The following CSMD1 variants were observed in gnomAD, a reference collection of about 807,000 sequenced individuals.
CSMD1 encodes the protein CUB and Sushi multiple domains 1.
Under a neutral mutation model 417.5 loss-of-function variants are expected in CSMD1, and 213 were observed. The ratio of observed to expected loss-of-function variants is 0.51; its 90% CI spans 0.46 to 0.57. CSMD1 has a LOEUF of 0.57. Among genes scored for constraint, CSMD1 ranks in the 20% least tolerant of loss-of-function variants. CSMD1 has a pLI of 0.00. For missense variants in CSMD1, 6,923 were observed against 4,529.7 expected, an observed-to-expected ratio of 1.53 and a Z score of -15.17; for synonymous variants, 2,862 against 1,736.8, an observed-to-expected ratio of 1.65 and a Z score of -16.11.
intron 23 of CSMD1, among the ~76,000 whole-genome samples, chr8:3,330,762 T>C (rs1411789145): frequency 6.6e-6 from 1 of 152,146 alleles, no homozygotes; most frequent in Non-Finnish European, 1.5e-5. Flanking sequence ...GTTACAATAA[T>C]AAACTAAGAT....
intron 10 of CSMD1, among the ~76,000 whole-genome samples, chr8:3,573,513 G>T (rs937537482): frequency 6.6e-6 from 1 of 152,116 alleles, no homozygotes; most frequent in Non-Finnish European, 1.5e-5. Flanking sequence ...AGCCTGCAAC[G>T]CCCTGGAGTT....
At chr8:3,512,263 G>C (rs1270970590) in intron 10 of CSMD1, among the ~76,000 whole-genome samples, 1 of 152,180 alleles carries the variant, frequency 6.6e-6, no homozygotes, top group East Asian at 1.9e-4. Flanking sequence ...CTCATCTTCA[G>C]GGATGGACTG....
chr8:4,734,021 CA>C (rs1810066314), intron 1 of CSMD1, among the ~76,000 whole-genome samples: 4 of 152,064 alleles, frequency 2.6e-5, no homozygotes, highest in Non-Finnish European at 4.4e-5. Flanking sequence ...GTCCTTCTTA[CA>C]AAAATATTTT....
At position 2,954,258 on chromosome 8, in the gene CSMD1, C is replaced by T; in HGVS notation, c.10005G>A (p.Val3335=). ...GKSPVCKSKG[V]REVNETVTKT... ...TAGTAACTGTTTCATTAACTTCTCT[C>T]ACTCCTTTACCTACAAGTAAAAAGA... is the stretch of plus-strand genomic sequence containing the variant. Residue 3335 remains valine, a synonymous_variant, in exon 65 of 70, where the codon GTG becomes GTA. Coordinates refer to ENST00000635120, the MANE Select transcript of CSMD1 (RefSeq NM_033225.6). The T allele has an allele frequency of 6.7e-7, 1 of 1,487,314 alleles. No homozygotes were observed. The highest frequency in any genetic ancestry group is 9.1e-7 in the Non-Finnish European group (1 of 1,095,722). 92.1% of individuals were successfully genotyped at this position (1,487,314 alleles called of 1,614,324 possible). A position where few individuals can be genotyped will look rare whatever the true frequency, so the allele number is the denominator to read the frequency against.
chr8:4,524,850 A>G (rs1438601061), intron 2 of CSMD1, among the ~76,000 whole-genome samples: 2 of 152,142 alleles, frequency 1.3e-5, no homozygotes, highest in Admixed American at 1.3e-4. Flanking sequence ...TATAATAAAA[A>G]TTGGAATTCA....
intron 1 of CSMD1, among the ~76,000 whole-genome samples, chr8:4,809,156 C>A (rs567210376): frequency 5.8e-4 from 89 of 152,294 alleles, no homozygotes; most frequent in African/African-American, 1.8e-3. Context: ...ACAACTGTTA[C>A]ATACATTCAT....
intron 5 of CSMD1, among the ~76,000 whole-genome samples, chr8:3,926,092 C>CACACACACACACACACCATACAT (rs1563218188): frequency 2.0e-5 from 1 of 49,508 alleles, no homozygotes; most frequent in African/African-American, 1.4e-4. Context: ...TACACACACA[C>CACACACACACACACACCATACAT]ACACACACAC....
At chr8:3,145,798 T>A (rs574436271) in intron 40 of CSMD1, among the ~76,000 whole-genome samples, 1 of 152,218 alleles carries the variant, frequency 6.6e-6, no homozygotes, top group East Asian at 1.9e-4. Flanking sequence ...ATTATTTCAA[T>A]AACAATAAAA....
At chr8:4,451,779 G>A (rs1268081343) in intron 2 of CSMD1, among the ~76,000 whole-genome samples, 4 of 151,950 alleles carry the variant, frequency 2.6e-5, no homozygotes, top group Non-Finnish European at 4.4e-5. Context: ...AGTAGTATTT[G>A]AGCAGGATCC....
chr8:4,788,124 A>T lies in CSMD1; in HGVS notation c.86-150566T>A, dbSNP rs538431868. 55 of 1,603,772 alleles carry T rather than the reference A, an allele frequency of 3.4e-5. 1 individual carries two copies. The South Asian group carries it at 6.1e-4, about 18-fold the overall frequency. Reference sequence around the variant, plus strand: ...AAGTCAGTGCAGGGTTGTAGTGTTGATGGGCTCTACTTCTGATCTTGGTCA... The same window carrying T: ...AAGTCAGTGCAGGGTTGTAGTGTTGTTGGGCTCTACTTCTGATCTTGGTCA... On this transcript the variant is annotated intron_variant, in intron 1 of 69. Transcript: ENST00000635120.
chr8:3,148,295 T>A (rs1250635302), intron 40 of CSMD1, among the ~76,000 whole-genome samples: 1 of 152,204 alleles, frequency 6.6e-6, no homozygotes, highest in Non-Finnish European at 1.5e-5. Flanking sequence ...AACCCCAAAC[T>A]TACTTCCTCA....
At chr8:3,582,350 G>T (rs1038886285) in intron 9 of CSMD1, among the ~76,000 whole-genome samples, 2 of 152,072 alleles carry the variant, frequency 1.3e-5, no homozygotes, top group Non-Finnish European at 2.9e-5. Context: ...GAAGCAAATT[G>T]AGACGCTACT....
chr8:4,061,139 T>C (rs546429354), intron 3 of CSMD1, among the ~76,000 whole-genome samples: 2 of 152,210 alleles, frequency 1.3e-5, no homozygotes, highest in Admixed American at 6.5e-5. Flanking sequence ...CAGGCTCATC[T>C]CATCCCCATC....
chr8:3,517,969 C>T (rs1283085125), intron 10 of CSMD1, among the ~76,000 whole-genome samples: 1 of 152,098 alleles, frequency 6.6e-6, no homozygotes, highest in African/African-American at 2.4e-5. Flanking sequence ...TATTAAACCT[C>T]ATCAATAAAT....
chr8:3,184,456 C>A (rs1420889424), intron 36 of CSMD1, among the ~76,000 whole-genome samples: 1 of 152,174 alleles, frequency 6.6e-6, no homozygotes, highest in East Asian at 1.9e-4. Flanking sequence ...CAAAATATGA[C>A]TGTGACAGCT....
At chr8:4,416,756 G>T (rs1466161491) in intron 3 of CSMD1, among the ~76,000 whole-genome samples, 2 of 152,006 alleles carry the variant, frequency 1.3e-5, no homozygotes, top group Middle Eastern at 3.2e-3. Flanking sequence ...TTTGTCTCAT[G>T]TCAATTTTCT....
At chr8:4,151,636 A>T (rs1796574837) in intron 3 of CSMD1, among the ~76,000 whole-genome samples, 1 of 152,202 alleles carries the variant, frequency 6.6e-6, no homozygotes, top group South Asian at 2.1e-4. Context: ...TTTGTTATCA[A>T]GAATCTGTGG....
chr8:4,038,636 A>C (rs1043036777), intron 3 of CSMD1, among the ~76,000 whole-genome samples: 2 of 152,334 alleles, frequency 1.3e-5, no homozygotes, highest in South Asian at 2.1e-4. Flanking sequence ...AGTTGACATA[A>C]ACTCTACTTT....
At chr8:4,890,908 G>A (rs1216129434) in intron 1 of CSMD1, among the ~76,000 whole-genome samples, 2 of 152,094 alleles carry the variant, frequency 1.3e-5, no homozygotes, top group Non-Finnish European at 2.9e-5. Flanking sequence ...CACAAGGAGG[G>A]AGTGGTGCAC....
Sources: gnomAD v4.1 joint callset for allele counts (sites outside exome capture counted in the v4.1 genomes callset) on GRCh38, gnomAD v4.1.1 for gene constraint, MANE v1.5 for transcripts, NCBI Gene and HGNC (gene_info 2026-07-23, HGNC 2026-07-21) for gene names.